The following SZT2 variants were observed in gnomAD, a reference collection of about 807,000 sequenced individuals.
SZT2 encodes SZT2 subunit of KICSTOR complex, also known as KICSTOR complex protein SZT2.
SZT2 carries 216 observed loss-of-function variants against 404.2 expected under a neutral mutation model. The ratio of observed to expected loss-of-function variants is 0.53; its 90% CI spans 0.48 to 0.60. The LOEUF is 0.60. Among genes scored for constraint, SZT2 ranks in the 20% least tolerant of loss-of-function variants. SZT2 has a pLI of 0.00. For synonymous variants in SZT2, 1,693 were observed against 1,749.9 expected (o/e 0.97, Z 0.81); for missense variants, 3,857 against 4,459.2 (o/e 0.86, Z 3.85).
rs754779853 is a variant in SZT2 at position 43,446,206 on chromosome 1, C to T, written c.8944C>T (p.His2982Tyr). Residue 2982 changes from histidine (H) to tyrosine (Y), a missense_variant, in exon 64 of 72, where the codon CAC becomes TAC. Around this residue, in one of 7 missense-constraint regions of SZT2, gnomAD observed 717 missense variants for 868.2 expected, o/e 0.83. Transcript: ENST00000634258. ...CACTAGCTCTCCGGTAACCACCTAC[C>T]ACCTGCAGCGGGCACTGCCTGGGGG... ...KSTSSPVTTY[H>Y]LQRALPGGII... The T allele has an allele frequency of 4.4e-5, 71 of 1,614,144 alleles. No individual in the cohort carries two copies. The East Asian group carries it at 1.5e-3, about 34-fold the overall frequency.
intron 42 of SZT2, chr1:43,435,937 CAAGT>C (rs1654415489): frequency 6.6e-6 from 1 of 152,170 alleles, no homozygotes; most frequent in African/African-American, 2.4e-5. Context: ...GGCCAGTTCC[CAAGT>C]AAGAGAAATC....
intron 41 of SZT2, among the ~76,000 whole-genome samples, chr1:43,434,897 C>A (rs948993588): frequency 6.6e-6 from 1 of 152,128 alleles, no homozygotes; most frequent in Non-Finnish European, 1.5e-5. Context: ...GAAGCTGCTA[C>A]GAAAGCATGT....
chr1:43,432,934 C>G, intron 39 of SZT2, 55 bp from the exon 40 acceptor site: 2 of 1,601,678 alleles, frequency 1.2e-6, no homozygotes, highest in South Asian at 2.2e-5. Context: ...CCTGGAGGAT[C>G]AGATGAGTCA....
Position 43,426,925 on chromosome 1 carries a change from A to G in SZT2, c.3309+116A>G. 1 of 1,546,638 alleles carries G rather than the reference A, an allele frequency of 6.5e-7. No individual in the cohort carries two copies. Among genetic ancestry groups the G allele is most frequent in the Non-Finnish European group, 8.8e-7 (1 of 1,130,862 alleles). On this transcript the variant is annotated intron_variant, in intron 23 of 71. Coordinates refer to ENST00000634258, the MANE Select transcript of SZT2 (RefSeq NM_001365999.1). This position sits in a 1 kb window ranked among gnomAD's most constrained non-coding sequence, Gnocchi z 4.9. ...ACTAAATGGCATCTGCCAATGACACAATGCCGTCATTTTCCATTGTCCTGG... is the reference window on the plus strand; with the variant it reads ...ACTAAATGGCATCTGCCAATGACACGATGCCGTCATTTTCCATTGTCCTGG...
In SZT2 at chr1:43,454,198, C is replaced by T. The variant is rs1364656273; in HGVS notation, c.*3718C>T. ...ATAAAAATGCTATCTGTTCGTTAAGCAACATTTGAAAGCTGTATGACCAAA... is the reference window on the plus strand; with the variant it reads ...ATAAAAATGCTATCTGTTCGTTAAGTAACATTTGAAAGCTGTATGACCAAA... On this transcript the variant is annotated 3_prime_UTR_variant, in exon 72 of 72. Transcript: ENST00000634258. 1 of 246,576 alleles carries T rather than the reference C, an allele frequency of 4.1e-6. No homozygotes were observed. Among genetic ancestry groups the T allele is most frequent in the Non-Finnish European group, 6.6e-6 (1 of 152,094 alleles). The allele number at this position is 246,576 out of a possible 1,614,324, so 15.3% of individuals were successfully genotyped here.
At position 43,431,332 on chromosome 1, in the gene SZT2, G is replaced by A; in HGVS notation, c.4984G>A (p.Asp1662Asn). 1 of 1,613,362 alleles carries A rather than the reference G, an allele frequency of 6.2e-7. No homozygotes were observed. The highest frequency in any genetic ancestry group is 8.5e-7 in the Non-Finnish European group (1 of 1,179,556). The change falls in exon 34 of 72, where the codon GAT becomes AAT. Residue 1662 changes from aspartate (D) to asparagine (N), a missense_variant. This residue lies in a region of SZT2 where 1,725 missense variants were observed against 1,881.0 expected (regional missense o/e 0.92). Transcript: ENST00000634258. ...PGQPSSLRSDDGLGPPLPPPE... is the reference protein window; with the variant it reads ...PGQPSSLRSDNGLGPPLPPPE... ...GCAGCCATCATCTTTAAGGTCAGAT[G>A]ATGGCCTCGGGCCCCCACTGCCACC... is the stretch of plus-strand genomic sequence containing the variant.
Position 43,441,936 on chromosome 1 carries a change from G to C in SZT2, c.7743-64G>C. 1 of 1,592,144 alleles carries C rather than the reference G, an allele frequency of 6.3e-7. No homozygotes were observed. The highest frequency in any genetic ancestry group is 8.6e-7 in the Non-Finnish European group (1 of 1,166,380). Reference sequence around the variant, plus strand: ...GAGAGGTGGAAACAAGGCCCAGGGAGGTGAAGGCTAGGCCAGGGAGTGGTG... The same window carrying C: ...GAGAGGTGGAAACAAGGCCCAGGGACGTGAAGGCTAGGCCAGGGAGTGGTG... On this transcript the variant is annotated intron_variant, in intron 55 of 71. Coordinates refer to ENST00000634258, the MANE Select transcript of SZT2 (RefSeq NM_001365999.1). This position sits in a 1 kb window ranked among gnomAD's most constrained non-coding sequence, Gnocchi z 4.8.
At position 43,424,876 on chromosome 1, in the gene SZT2, C is replaced by G; in HGVS notation, c.2550+14C>G. 8 of 1,611,530 alleles carry G rather than the reference C, an allele frequency of 5.0e-6. No individual in the cohort carries two copies. Among genetic ancestry groups the G allele is most frequent in the Non-Finnish European group, 6.8e-6 (8 of 1,177,664 alleles). On this transcript the variant is annotated intron_variant, in intron 17 of 71. Transcript: ENST00000634258. The surrounding 1 kb of genome is among the most constrained non-coding windows in gnomAD (Gnocchi z 4.1). ...CTTCCAATTCAGGTACGTGCCATCC[C>G]CCATGACACCTCCCTGCCAAGGTCT... is the stretch of plus-strand genomic sequence containing the variant.
At chr1:43,434,739 C>A (rs1019924985) in intron 41 of SZT2, among the ~76,000 whole-genome samples, 1 of 152,158 alleles carries the variant, frequency 6.6e-6, no homozygotes, top group Non-Finnish European at 1.5e-5. Flanking sequence ...CCTCTCATTG[C>A]ACTGTGCTAG....
chr1:43,407,529 A>C (rs1650467409), intron 4 of SZT2, among the ~76,000 whole-genome samples: 1 of 151,878 alleles, frequency 6.6e-6, no homozygotes, highest in African/African-American at 2.4e-5. Context: ...AAAAAAAAAC[A>C]AGATATATCC....
intron 42 of SZT2, chr1:43,436,055 A>T (rs554589217): frequency 6.6e-6 from 1 of 152,308 alleles, no homozygotes; most frequent in South Asian, 2.1e-4. Context: ...ATGGTAAGGG[A>T]ACATGATAAT....
In SZT2 at chr1:43,437,546, A is replaced by G; in HGVS notation, c.6290+38A>G. On this transcript the variant is annotated intron_variant, in intron 44 of 71. Transcript: ENST00000634258. This position sits in a 1 kb window ranked among gnomAD's most constrained non-coding sequence, Gnocchi z 5.3. ...TGGAAGGTGGGTAGGGCATGAATTA[A>G]GGATGGCCTGGGAGGAGGCATGTCC... is the stretch of plus-strand genomic sequence containing the variant. 1 of 1,614,018 alleles carries G rather than the reference A, an allele frequency of 6.2e-7. No individual in the cohort carries two copies. The highest frequency in any genetic ancestry group is 8.5e-7 in the Non-Finnish European group (1 of 1,179,938).
intron 4 of SZT2, among the ~76,000 whole-genome samples, chr1:43,410,759 C>A (rs887328313): frequency 6.6e-6 from 1 of 152,100 alleles, no homozygotes; most frequent in Non-Finnish European, 1.5e-5. Context: ...TTTAAACTCA[C>A]AAAACAAAGG....
At position 43,426,352 on chromosome 1, in the gene SZT2, A is replaced by C; in HGVS notation, c.3044-16A>C. The C allele has an allele frequency of 2.0e-6, 3 of 1,531,648 alleles. No individual in the cohort carries two copies. Among genetic ancestry groups the C allele is most frequent in the Non-Finnish European group, 2.6e-6 (3 of 1,140,792 alleles). The allele number at this position is 1,531,648 out of a possible 1,614,324, so 94.9% of individuals were successfully genotyped here. On this transcript the variant is annotated splice_polypyrimidine_tract_variant and intron_variant, in intron 21 of 71. Coordinates refer to ENST00000634258, the MANE Select transcript of SZT2 (RefSeq NM_001365999.1). The surrounding 1 kb of genome is among the most constrained non-coding windows in gnomAD (Gnocchi z 4.9). ...GCAGGAGGCTCTTGGTGCTGAGCAG[A>C]GTGTGTGTCGGGCAGAGCCAGAGGG...
At position 43,453,998 on chromosome 1, in the gene SZT2, G is replaced by A. The variant is rs554742639; in HGVS notation, c.*3518G>A. Reference sequence around the variant, plus strand: ...AGCGAGAGAGGGATCACGGGGAGAGGCGAAGGGGCGGAGCGAGGGCGGCCG... The same window carrying A: ...AGCGAGAGAGGGATCACGGGGAGAGACGAAGGGGCGGAGCGAGGGCGGCCG... On this transcript the variant is annotated 3_prime_UTR_variant, in exon 72 of 72. Transcript: ENST00000634258. 43 of 1,182,582 alleles carry A rather than the reference G, an allele frequency of 3.6e-5. No individual in the cohort carries two copies. Among genetic ancestry groups the A allele is most frequent in the Admixed American group, 4.5e-5 (1 of 22,010 alleles). The allele number at this position is 1,182,582 out of a possible 1,614,324, so 73.3% of individuals were successfully genotyped here. A position where few individuals can be genotyped will look rare whatever the true frequency, so the allele number is the denominator to read the frequency against.
chr1:43,439,040 A>G lies in SZT2; in HGVS notation c.6739A>G (p.Ile2247Val), dbSNP rs755177075. The part of the protein sequence containing the change: ...LAWYLRQNLL[I>V]FLHSPKYTDS... ...ATGGTACCTACGGCAGAACTTGCTC[A>G]TCTTCCTGCACTCTCCCAAGTACAC... The change falls in exon 48 of 72, where the codon ATC becomes GTC. Residue 2247 changes from isoleucine to valine, a missense_variant. By Grantham distance (29) the Ile-to-Val change is conservative. This residue lies in a region of SZT2 where 261 missense variants were observed against 372.9 expected (regional missense o/e 0.70). Transcript: ENST00000634258. This position sits in a 1 kb window ranked among gnomAD's most constrained non-coding sequence, Gnocchi z 4.2. The G allele has an allele frequency of 3.7e-6, 6 of 1,614,142 alleles. No homozygotes were observed. In the South Asian group the frequency reaches 5.5e-5, roughly 15 times the overall value.
chr1:43,403,696 T>G lies in SZT2; in HGVS notation c.249T>G (p.Pro83=). The G allele has an allele frequency of 6.2e-7, 1 of 1,614,166 alleles. No homozygotes were observed. The highest frequency in any genetic ancestry group is 8.5e-7 in the Non-Finnish European group (1 of 1,180,026). Residue 83 remains proline, a synonymous_variant, in exon 3 of 72, where the codon CCT becomes CCG. Transcript: ENST00000634258. The part of the protein sequence containing the change: ...PVVPRPFLLV[P]STRVTFLAWQ... ...TCCCAAGGCCATTCCTCCTGGTACC[T>G]TCCACCCGGGTCACCTTCCTGGCTT...
In SZT2 at chr1:43,421,322, T is replaced by C. The variant is rs777548907; in HGVS notation, c.1626+19T>C. On this transcript the variant is annotated intron_variant, in intron 11 of 71. Transcript: ENST00000634258. ...CACCCCGGTGAGTAGCTCTGAAGTA[T>C]AGTAGCCCCATTTCATGTCAACTTG... 121 of 1,596,838 alleles carry C rather than the reference T, an allele frequency of 7.6e-5. No homozygotes were observed. Among genetic ancestry groups the C allele is most frequent in the Non-Finnish European group, 1.0e-4 (119 of 1,178,778 alleles).
rs1656715502 is a variant in SZT2 at position 43,453,678 on chromosome 1, CA to C, written c.*3199del. ...CGCCTCAGGCGTCTCCGCGTACGGC[CA>C]GGCCACCTCGACGGCCTCGAAGCCC... On this transcript the variant is annotated 3_prime_UTR_variant, in exon 72 of 72. Coordinates refer to ENST00000634258, the MANE Select transcript of SZT2 (RefSeq NM_001365999.1). 6.8e-7 allele frequency: 1 copy of C among 1,464,216 alleles called. No homozygotes were observed. Among genetic ancestry groups the C allele is most frequent in the South Asian group, 1.3e-5 (1 of 75,444 alleles). The allele number at this position is 1,464,216 out of a possible 1,614,324, so 90.7% of individuals were successfully genotyped here. A position where few individuals can be genotyped will look rare whatever the true frequency, so the allele number is the denominator to read the frequency against.
Sources: gnomAD v4.1 joint callset for allele counts (sites outside exome capture counted in the v4.1 genomes callset) on GRCh38, gnomAD v4.1.1 for gene constraint, gnomAD v4.1.1 regional missense constraint, Gnocchi (gnomAD v3.1) non-coding constraint, MANE v1.5 for transcripts, NCBI Gene and HGNC (gene_info 2026-07-23, HGNC 2026-07-21) for gene names.